Variants in SIAE observed in about 807,000 individuals in gnomAD.
The protein encoded by SIAE is sialic acid acetylesterase.
SIAE carries 39 observed loss-of-function variants against 52.6 expected under a neutral mutation model. The ratio of observed to expected loss-of-function variants is 0.74; its 90% CI spans 0.57 to 0.97. The LOEUF is 0.97. SIAE is among the 50% of genes least tolerant of loss of function. SIAE has a pLI of 0.00. For missense variants in SIAE, 592 were observed against 662.1 expected (o/e 0.89, Z 1.16); for synonymous variants, 233 against 241.4 (o/e 0.97, Z 0.32).
upstream of SIAE, chr11:124,674,464 T>G (rs1943430752): frequency 6.6e-6 from 1 of 152,460 alleles, no homozygotes; most frequent in South Asian, 2.1e-4. Flanking sequence ...CTATTCCGCA[T>G]TGACGCACAC....
At chr11:124,665,390 G>A (rs944544852) in intron 2 of SIAE, among the ~76,000 whole-genome samples, 1 of 152,246 alleles carries the variant, frequency 6.6e-6, no homozygotes, top group Non-Finnish European at 1.5e-5. Flanking sequence ...GGTCAGAGAT[G>A]TGAAACAGCA....
Position 124,647,365 on chromosome 11 carries a change from C to A in SIAE, c.966G>T (p.Gln322His), listed in dbSNP as rs1942950931. 6.2e-7 allele frequency: 1 copy of A among 1,614,216 alleles called. No individual in the cohort carries two copies. The highest frequency in any genetic ancestry group is 1.3e-5 in the African/African-American group (1 of 75,048). The change falls in exon 7 of 10, where the codon CAG becomes CAT. Residue 322 changes from glutamine (Q) to histidine (H), a missense_variant and splice_region_variant. Transcript: ENST00000263593. The part of the protein sequence containing the change: ...TERFFPFGLV[Q>H]LSSDLSKKSS... ...AGAGAAGCCTTTACCCACATCGTAC[C>A]TGGACAAGTCCAAATGGGAAGAAAC...
At position 124,672,387 on chromosome 11, in the gene SIAE, C is replaced by T. The variant is rs532167524; in HGVS notation, c.67+1255G>A. On this transcript the variant is annotated intron_variant, in intron 1 of 9. Transcript: ENST00000263593. The stretch of plus-strand genomic sequence containing the variant: ...GTTCTAGTTCTTAAGTTGGGTACTG[C>T]TCTCATGGGTGTTCATTTTATTGTG... Among the ~76,000 whole-genome samples the T allele has an allele frequency of 7.9e-5, 12 of 152,276 alleles. No homozygotes were observed. The South Asian group carries it at 2.1e-3, about 26-fold the overall frequency.
Position 124,673,638 on chromosome 11 carries a change from T to TA in SIAE, c.67+3_67+4insT. 1 of 1,613,122 alleles carries TA rather than the reference T, an allele frequency of 6.2e-7. No individual in the cohort carries two copies. The highest frequency in any genetic ancestry group is 8.5e-7 in the Non-Finnish European group (1 of 1,179,656). On this transcript the variant is annotated splice_donor_region_variant and intron_variant, in intron 1 of 9. Transcript: ENST00000263593. ...AGGGGTCCGGCCGAGCCGGGCCGCC[T>TA]CACCTGCACTTCTGTCGGCCCACAG...
Position 124,651,219 on chromosome 11 carries a change from G to C in SIAE, c.545-1423C>G, listed in dbSNP as rs192420185. On this transcript the variant is annotated intron_variant, in intron 4 of 9. Coordinates refer to ENST00000263593, the MANE Select transcript of SIAE (RefSeq NM_170601.5). ...TGATGAAAGCAATATAGAGACACAT[G>C]GAACCTCTCCTCATAGGTCTATTAG... is the stretch of plus-strand genomic sequence containing the variant. Among the ~76,000 whole-genome samples, 4 of 152,276 alleles carry C rather than the reference G, an allele frequency of 2.6e-5. No homozygotes were observed. In the East Asian group the frequency reaches 5.8e-4, roughly 22 times the overall value.
intron 7 of SIAE, among the ~76,000 whole-genome samples, chr11:124,640,311 T>C (rs1255019488): frequency 6.6e-6 from 1 of 152,070 alleles, no homozygotes; most frequent in Non-Finnish European, 1.5e-5. Context: ...TGAAAGATCA[T>C]AGAAAGAGAG....
At chr11:124,665,410 C>T (rs903113925) in intron 2 of SIAE, among the ~76,000 whole-genome samples, 1 of 152,154 alleles carries the variant, frequency 6.6e-6, no homozygotes, top group Non-Finnish European at 1.5e-5. Flanking sequence ...AGAGGTGCTG[C>T]CATGAGCTCA....
At chr11:124,651,861 A>G (rs540196033) in intron 4 of SIAE, among the ~76,000 whole-genome samples, 11 of 152,280 alleles carry the variant, frequency 7.2e-5, no homozygotes, top group African/African-American at 2.6e-4. Flanking sequence ...ATGGAGAGTC[A>G]GTGTTTGCTG....
At chr11:124,669,335 C>T in intron 2 of SIAE, 25 bp downstream of exon 2, 1 of 1,613,986 alleles carries the variant, frequency 6.2e-7, no homozygotes, top group Non-Finnish European at 8.5e-7. Context: ...AGGGCAATAG[C>T]TGAACGGAAG....
intron 2 of SIAE, 56 bp from the exon 3 acceptor site, chr11:124,660,859 G>A (rs968491681): frequency 3.7e-5 from 59 of 1,588,388 alleles, no homozygotes; most frequent in Non-Finnish European, 4.9e-5. Flanking sequence ...TGAAATCAAA[G>A]CCCAATTATA....
intron 8 of SIAE, 126 bp downstream of exon 8, chr11:124,639,584 C>G (rs1942809509): frequency 8.5e-7 from 1 of 1,178,274 alleles, no homozygotes; most frequent in Admixed American, 1.7e-5. Context: ...GTTACTGCAG[C>G]ACACCCCAGC....
chr11:124,673,588 T>G lies in SIAE; in HGVS notation c.67+54A>C, dbSNP rs998649115. On this transcript the variant is annotated intron_variant, in intron 1 of 9. Coordinates refer to ENST00000263593, the MANE Select transcript of SIAE (RefSeq NM_170601.5). ...CGTGTCCCGCAGAGGACACGGGGTC[T>G]CGGAGCCCGCACAGGCTGAGGGGCA... The G allele has an allele frequency of 1.6e-5, 26 of 1,586,368 alleles. No individual in the cohort carries two copies. The African/African-American group carries it at 3.2e-4, about 20-fold the overall frequency.
intron 3 of SIAE, among the ~76,000 whole-genome samples, chr11:124,657,888 A>G (rs1943125603): frequency 6.6e-6 from 1 of 152,218 alleles, no homozygotes; most frequent in African/African-American, 2.4e-5. Flanking sequence ...TTTAAATGAC[A>G]TTTGGTTTCC....
At position 124,660,664 on chromosome 11, in the gene SIAE, A is replaced by T; in HGVS notation, c.369T>A (p.Cys123Ter). Reference protein sequence around the residue: ...HDVLFGDVWLCSGQSNMQMTV... With the variant: ...HDVLFGDVWL The stretch of plus-strand genomic sequence containing the variant: ...TCATCTGCATGTTACTCTGCCCACT[A>T]CAGAGCCAGACATCTCCAAACAGGA... Residue 123 changes from cysteine (C) to a stop codon, truncating the protein, a stop_gained, in exon 3 of 10, where the codon TGT (cysteine) becomes TGA (stop). Coordinates refer to ENST00000263593, the MANE Select transcript of SIAE (RefSeq NM_170601.5). LOFTEE classifies it high-confidence loss of function. The T allele has an allele frequency of 6.2e-7, 1 of 1,614,176 alleles. No homozygotes were observed. Among genetic ancestry groups the T allele is most frequent in the Non-Finnish European group, 8.5e-7 (1 of 1,180,040 alleles).
At position 124,634,794 on chromosome 11, in the gene SIAE, T is replaced by C. The variant is rs1272865168; in HGVS notation, c.*2157A>G. 1 of 152,190 alleles carries C rather than the reference T, an allele frequency of 6.6e-6. No homozygotes were observed. The highest frequency in any genetic ancestry group is 1.5e-5 in the Non-Finnish European group (1 of 68,032). The allele number at this position is 152,190 out of a possible 1,614,324, so 9.4% of individuals were successfully genotyped here. A position where few individuals can be genotyped will look rare whatever the true frequency, so the allele number is the denominator to read the frequency against. ...TAAGTCAAAAACACAGATTACAAAATAATATGTACTGTATAAAATTATATA... is the reference window on the plus strand; with the variant it reads ...TAAGTCAAAAACACAGATTACAAAACAATATGTACTGTATAAAATTATATA... On this transcript the variant is annotated 3_prime_UTR_variant, in exon 10 of 10. Transcript: ENST00000263593.
Position 124,634,321 on chromosome 11 carries a change from CA to C in SIAE, c.*2629del, listed in dbSNP as rs2134342677. 1 of 152,286 alleles carries C rather than the reference CA, an allele frequency of 6.6e-6. No individual in the cohort carries two copies. The highest frequency in any genetic ancestry group is 1.9e-4 in the East Asian group (1 of 5,180). 9.4% of individuals were successfully genotyped at this position (152,286 alleles called of 1,614,324 possible). A position where few individuals can be genotyped will look rare whatever the true frequency, so the allele number is the denominator to read the frequency against. ...CTGCACTCCAGCCTGGGCAACAGAGCAAAACTCCAACTCAAAAACAAAAACA... is the reference window on the plus strand; with the variant it reads ...CTGCACTCCAGCCTGGGCAACAGAGCAAACTCCAACTCAAAAACAAAAACA... On this transcript the variant is annotated 3_prime_UTR_variant, in exon 10 of 10. Coordinates refer to ENST00000263593, the MANE Select transcript of SIAE (RefSeq NM_170601.5).
upstream of SIAE, chr11:124,674,878 T>C (rs1338266697): frequency 6.5e-6 from 1 of 152,758 alleles, no homozygotes; most frequent in African/African-American, 2.5e-5. Context: ...TTCTCAGCAA[T>C]TGACAATGAA....
At chr11:124,648,938 C>A (rs537311648) in intron 5 of SIAE, among the ~76,000 whole-genome samples, 1 of 152,174 alleles carries the variant, frequency 6.6e-6, no homozygotes, top group Non-Finnish European at 1.5e-5. Flanking sequence ...GGCTTCCCAG[C>A]GTGAATGAGA....
rs1942747584 is a variant in SIAE at position 124,636,648 on chromosome 11, G to A, written c.*303C>T. 1 of 407,562 alleles carries A rather than the reference G, an allele frequency of 2.5e-6. No homozygotes were observed. The highest frequency in any genetic ancestry group is 4.6e-6 in the Non-Finnish European group (1 of 217,754). The allele number at this position is 407,562 out of a possible 1,614,324, so 25.2% of individuals were successfully genotyped here. On this transcript the variant is annotated 3_prime_UTR_variant, in exon 10 of 10. Transcript: ENST00000263593. Reference sequence around the variant, plus strand: ...CAACTCTGGATAAAAAGGGGCAAAAGTATTAGACATTTCACTCCCATTAAT... The same window carrying A: ...CAACTCTGGATAAAAAGGGGCAAAAATATTAGACATTTCACTCCCATTAAT...
Sources: allele counts gnomAD v4.1 joint callset (sites outside exome capture counted in the v4.1 genomes callset), GRCh38; gene constraint gnomAD v4.1.1; transcripts MANE v1.5; gene names NCBI Gene and HGNC (gene_info 2026-07-23, HGNC 2026-07-21).